The following MTOR variants were observed in gnomAD, a reference collection of about 807,000 sequenced individuals.
MTOR encodes mechanistic target of rapamycin kinase, also known as serine/threonine-protein kinase mTOR.
MTOR carries 70 observed loss-of-function variants against 319.8 expected under a neutral mutation model. The observed-to-expected ratio is 0.22, with a 90% CI of 0.18 to 0.27. The LOEUF (loss-of-function observed/expected upper bound fraction) is 0.27. Among genes scored for constraint, MTOR ranks in the 10% least tolerant of loss-of-function variants. The probability of loss-of-function intolerance (pLI) is 1.00; values close to 1 mark genes in which losing one functional copy is unlikely to be tolerated. For synonymous variants in MTOR, 1,183 were observed against 1,211.4 expected (o/e 0.98, Z 0.49); for missense variants, 1,890 against 3,274.4 (o/e 0.58, Z 10.32).
At position 11,114,304 on chromosome 1, in the gene MTOR, TTGA is replaced by T; in HGVS notation, c.7300+11_7300+13del. ...GCCACTGAGCTCAGCTCCCAGGCACTTGATGATACTCACTGTCCATCAGCCTCC... is the reference window on the plus strand; with the variant it reads ...GCCACTGAGCTCAGCTCCCAGGCACTTGATACTCACTGTCCATCAGCCTCC... On this transcript the variant is annotated intron_variant, in intron 53 of 57. Coordinates refer to ENST00000361445, the MANE Select transcript of MTOR (RefSeq NM_004958.4). 4 of 1,613,396 alleles carry T rather than the reference TTGA, an allele frequency of 2.5e-6. No homozygotes were observed. Among genetic ancestry groups the T allele is most frequent in the Non-Finnish European group, 3.4e-6 (4 of 1,179,774 alleles).
At chr1:11,116,160 C>T (rs1206618701) in intron 50 of MTOR, among the ~76,000 whole-genome samples, 2 of 152,200 alleles carry the variant, frequency 1.3e-5, no homozygotes, top group African/African-American at 4.8e-5. Context: ...TCGTAAATTA[C>T]ATGTTCAGTC....
chr1:11,216,262 G>A (rs1010403106), intron 19 of MTOR, 28 bp from the exon 20 acceptor site: 20 of 1,582,490 alleles, frequency 1.3e-5, no homozygotes, highest in Non-Finnish European at 1.4e-5. Context: ...TCAACCAGCT[G>A]GTATCATGAA....
At position 11,247,882 on chromosome 1, in the gene MTOR, T is replaced by C. The variant is rs1276745045; in HGVS notation, c.1053A>G (p.Pro351=). ...GLMGFGTSPS[P]AKSTLVESRC... ...GGCTCTCCACCAGGGTGGACTTAGC[T>C]GGACTGGGGGAGGTCCCAAATCCCA... Residue 351 remains proline (P), a synonymous_variant, in exon 7 of 58, where the codon CCA becomes CCG. Transcript: ENST00000361445. 1 of 1,614,050 alleles carries C rather than the reference T, an allele frequency of 6.2e-7. No individual in the cohort carries two copies. The highest frequency in any genetic ancestry group is 1.3e-5 in the African/African-American group (1 of 74,914).
In MTOR at chr1:11,234,301, A is replaced by C. The variant is rs760180622; in HGVS notation, c.2209-36T>G. The stretch of plus-strand genomic sequence containing the variant: ...GAAAGGCTCATATGTTCTCTATGGC[A>C]GAAGACATTCTAGAGAGAGACTGTG... On this transcript the variant is annotated intron_variant, in intron 13 of 57. Coordinates refer to ENST00000361445, the MANE Select transcript of MTOR (RefSeq NM_004958.4). 35 of 1,574,216 alleles carry C rather than the reference A, an allele frequency of 2.2e-5. 1 individual carries two copies. In the South Asian group the frequency reaches 3.7e-4, roughly 16 times the overall value.
At chr1:11,216,345 C>A in intron 19 of MTOR, 111 bp from the exon 20 acceptor site, 1 of 694,872 alleles carries the variant, frequency 1.4e-6, no homozygotes, top group Non-Finnish European at 2.5e-6. Flanking sequence ...GGTTTCCACA[C>A]TACACTATCT....
chr1:11,260,343 G>A (rs914604713), intron 1 of MTOR, among the ~76,000 whole-genome samples: 1 of 152,202 alleles, frequency 6.6e-6, no homozygotes, highest in African/African-American at 2.4e-5. Flanking sequence ...AGGAGTTTGA[G>A]ACCAGCCTGG....
intron 28 of MTOR, among the ~76,000 whole-genome samples, chr1:11,196,392 G>A (rs891623017): frequency 6.6e-6 from 1 of 152,126 alleles, no homozygotes; most frequent in Non-Finnish European, 1.5e-5. Context: ...TAAGGAGATG[G>A]GGGTAGTTTA....
At chr1:11,222,776 A>G (rs979707712) in intron 19 of MTOR, among the ~76,000 whole-genome samples, 38 of 152,080 alleles carry the variant, frequency 2.5e-4, no homozygotes, top group Middle Eastern at 3.4e-3. Flanking sequence ...TAAAAAAAAT[A>G]TATATATAAG....
intron 15 of MTOR, 123 bp from the exon 16 acceptor site, chr1:11,232,651 G>T: frequency 1.4e-6 from 1 of 692,896 alleles, no homozygotes; most frequent in Non-Finnish European, 2.4e-6. Flanking sequence ...GAGGAGGGCA[G>T]ATCACCTGGC....
chr1:11,169,534 T>C (rs1644746593), intron 28 of MTOR, among the ~76,000 whole-genome samples: 1 of 152,198 alleles, frequency 6.6e-6, no homozygotes, highest in Non-Finnish European at 1.5e-5. Context: ...GCTGACGTGA[T>C]AACAAGTTTG....
chr1:11,133,374 G>A lies in MTOR; in HGVS notation c.5247-177C>T, dbSNP rs1643254304. Among the ~76,000 whole-genome samples the A allele has an allele frequency of 6.6e-6, 1 of 152,136 alleles. No homozygotes were observed. Among genetic ancestry groups the A allele is most frequent in the African/African-American group, 2.4e-5 (1 of 41,426 alleles). On this transcript the variant is annotated intron_variant, in intron 37 of 57. Coordinates refer to ENST00000361445, the MANE Select transcript of MTOR (RefSeq NM_004958.4). This position sits in a 1 kb window ranked among gnomAD's most constrained non-coding sequence, Gnocchi z 4.0. ...CACGCAAGAAAGGAGATGGGCTTTTGGAATACATTTTTAAGATACCATCTT... is the reference window on the plus strand; with the variant it reads ...CACGCAAGAAAGGAGATGGGCTTTTAGAATACATTTTTAAGATACCATCTT...
intron 51 of MTOR, 73 bp from the exon 52 acceptor site, chr1:11,114,960 C>T: frequency 7.7e-7 from 1 of 1,306,078 alleles, no homozygotes; most frequent in Admixed American, 1.7e-5. Flanking sequence ...GAGCAGGTGG[C>T]TTTCCTCTGC....
chr1:11,253,767 T>C (rs990963609), intron 6 of MTOR, 72 bp downstream of exon 6: 20 of 1,561,452 alleles, frequency 1.3e-5, no homozygotes, highest in Admixed American at 1.0e-4. Context: ...CATGAGGACA[T>C]GGATCTCGCC....
At chr1:11,118,129 T>A (rs1042700542) in intron 49 of MTOR, among the ~76,000 whole-genome samples, 2 of 151,338 alleles carry the variant, frequency 1.3e-5, no homozygotes, top group African/African-American at 4.9e-5. Context: ...CAAAATCTTC[T>A]AAATAGCAGG....
At chr1:11,235,632 TC>T (rs1367188505) in intron 13 of MTOR, among the ~76,000 whole-genome samples, 1 of 152,150 alleles carries the variant, frequency 6.6e-6, no homozygotes, top group African/African-American at 2.4e-5. Context: ...CAAAGGAGCT[TC>T]ACACTCTGCA....
intron 28 of MTOR, among the ~76,000 whole-genome samples, chr1:11,197,060 G>A (rs1645811432): frequency 6.6e-6 from 1 of 152,244 alleles, no homozygotes; most frequent in South Asian, 2.1e-4. Context: ...AGGGTTAGTA[G>A]TAAAAACAGG....
At chr1:11,120,217 C>T (rs1431685968) in intron 49 of MTOR, among the ~76,000 whole-genome samples, 1 of 151,994 alleles carries the variant, frequency 6.6e-6, no homozygotes, top group Non-Finnish European at 1.5e-5. Flanking sequence ...GTGTGTACCA[C>T]CATGCCCGGC....
At position 11,212,805 on chromosome 1, in the gene MTOR, G is replaced by A. The variant is rs371126703; in HGVS notation, c.3389C>T (p.Pro1130Leu). The change falls in exon 22 of 58, where the codon CCA (proline) becomes CTA (leucine). Residue 1130 changes from proline (P) to leucine (L), a missense_variant. This residue lies in a region of MTOR where 377 missense variants were observed against 653.9 expected (regional missense o/e 0.58). Transcript: ENST00000361445. This position sits in a 1 kb window ranked among gnomAD's most constrained non-coding sequence, Gnocchi z 4.1. ...AAGAGGAGGTGCTCACTTTCGAGAT[G>A]GCAGTGGAGCTTCAGGGGCATCAAA... Reference protein sequence around the residue: ...KLFDAPEAPLPSRKAALETVD... With the variant: ...KLFDAPEAPLLSRKAALETVD... The A allele has an allele frequency of 1.6e-5, 25 of 1,612,832 alleles. No individual in the cohort carries two copies. Among genetic ancestry groups the A allele is most frequent in the Non-Finnish European group, 2.0e-5 (24 of 1,178,840 alleles).
chr1:11,121,266 G>C lies in MTOR; in HGVS notation c.6913C>G (p.Leu2305Val), dbSNP rs1642510316. Reference protein sequence around the residue: ...AGDDLAKLLWLKSPSSEVWFD... With the variant: ...AGDDLAKLLWVKSPSSEVWFD... ...CCTACCTCGGAGCTGGGGCTTTTCA[G>C]CCACAGCAGCTTGGCCAGGTCGTCC... The change falls in exon 49 of 58, where the codon CTG becomes GTG. Residue 2305 changes from leucine (L) to valine (V), a missense_variant. Physicochemically the swap from Leu to Val is conservative, Grantham distance 32. Coordinates refer to ENST00000361445, the MANE Select transcript of MTOR (RefSeq NM_004958.4). This position sits in a 1 kb window ranked among gnomAD's most constrained non-coding sequence, Gnocchi z 4.9. The C allele has an allele frequency of 6.2e-7, 1 of 1,613,658 alleles. No homozygotes were observed. Among genetic ancestry groups the C allele is most frequent in the Admixed American group, 1.7e-5 (1 of 60,006 alleles).
Sources: gnomAD v4.1 joint callset for allele counts (sites outside exome capture counted in the v4.1 genomes callset) on GRCh38, gnomAD v4.1.1 for gene constraint, gnomAD v4.1.1 regional missense constraint, Gnocchi (gnomAD v3.1) non-coding constraint, MANE v1.5 for transcripts, NCBI Gene and HGNC (gene_info 2026-07-23, HGNC 2026-07-21) for gene names.